The following PCTP variants were observed in gnomAD, a reference collection of about 807,000 sequenced individuals.
PCTP encodes START domain-containing protein 2.
In PCTP, 27 loss-of-function variants were observed where a neutral mutation model predicts 31.0. That is an observed-to-expected ratio of 0.87 (90% confidence interval 0.64 to 1.20). The LOEUF is 1.20. Ranked by LOEUF, PCTP falls within the 50% of genes most tolerant of loss-of-function variation. The pLI is 0.00. For missense variants in PCTP, 287 were observed against 268.2 expected (o/e 1.07, Z -0.49); for synonymous variants, 108 against 101.2 (o/e 1.07, Z -0.40).
chr17:55,794,764 C>T (rs563606747), intron 3 of PCTP, among the ~76,000 whole-genome samples: 2 of 152,124 alleles, frequency 1.3e-5, no homozygotes, highest in Admixed American at 1.3e-4. Context: ...TGAGCTCTAA[C>T]GACAAATTCC....
intron 2 of PCTP, chr17:55,770,881 G>T: frequency 2.4e-6 from 1 of 412,326 alleles, no homozygotes; most frequent in Non-Finnish European, 4.3e-6. Flanking sequence ...CACCATACCT[G>T]GCTGATTTTT....
chr17:55,752,357 T>G (rs1417262923), intron 1 of PCTP, among the ~76,000 whole-genome samples: 2 of 152,222 alleles, frequency 1.3e-5, no homozygotes, highest in Non-Finnish European at 2.9e-5. Context: ...TGCAGGGTTG[T>G]TAGGGGGTTC....
At chr17:55,788,886 T>C (rs1030450205) in intron 3 of PCTP, among the ~76,000 whole-genome samples, 1 of 152,194 alleles carries the variant, frequency 6.6e-6, no homozygotes, top group African/African-American at 2.4e-5. Context: ...TTGCTTTTTA[T>C]GAACTTCAGG....
intron 1 of PCTP, among the ~76,000 whole-genome samples, chr17:55,758,527 A>G (rs149958917): frequency 3.9e-5 from 6 of 152,222 alleles, no homozygotes; most frequent in East Asian, 3.9e-4. Context: ...GAGCCCCATT[A>G]CTTCAGGATT....
At chr17:55,771,896 C>T (rs1483041718) in intron 3 of PCTP, among the ~76,000 whole-genome samples, 1 of 152,140 alleles carries the variant, frequency 6.6e-6, no homozygotes, top group Non-Finnish European at 1.5e-5. Context: ...TCACCATGCT[C>T]TTCAATCCCA....
chr17:55,780,288 C>A (rs1262328710), downstream of PCTP, among the ~76,000 whole-genome samples: 1 of 152,056 alleles, frequency 6.6e-6, no homozygotes, highest in Non-Finnish European at 1.5e-5. Flanking sequence ...AATAATGGAA[C>A]AACAATTAAA....
At chr17:55,840,753 CAA>C (rs1398804241) in intron 5 of PCTP, among the ~76,000 whole-genome samples, 2 of 152,102 alleles carry the variant, frequency 1.3e-5, no homozygotes, top group Non-Finnish European at 2.9e-5. Flanking sequence ...GAAAAAGAAA[CAA>C]GAGTACAAGG....
At chr17:55,758,084 T>TTA (rs1413978628) in intron 1 of PCTP, among the ~76,000 whole-genome samples, 1 of 152,186 alleles carries the variant, frequency 6.6e-6, no homozygotes, top group Non-Finnish European at 1.5e-5. Flanking sequence ...TACCATGCCA[T>TTA]TAACCACTGC....
intron 5 of PCTP, among the ~76,000 whole-genome samples, chr17:55,829,204 CAATATGTGA>C (rs997768321): frequency 2.1e-5 from 3 of 141,326 alleles, no homozygotes; most frequent in Non-Finnish European, 3.1e-5. Context: ...CTTCAAAGGC[CAATATGTGA>C]AAAAAAAAAA....
chr17:55,778,672 A>G (rs940699085), downstream of PCTP, among the ~76,000 whole-genome samples: 1 of 152,104 alleles, frequency 6.6e-6, no homozygotes, highest in Non-Finnish European at 1.5e-5. Context: ...TGAAGTACCA[A>G]GGTCCTCTCT....
intron 3 of PCTP, among the ~76,000 whole-genome samples, chr17:55,815,780 G>A (rs1364336079): frequency 6.6e-6 from 1 of 152,146 alleles, no homozygotes; most frequent in Admixed American, 6.5e-5. Context: ...CAAGTCTGAT[G>A]TTCCTACTCC....
At chr17:55,828,690 A>C in intron 5 of PCTP, among the ~76,000 whole-genome samples, 1 of 152,138 alleles carries the variant, frequency 6.6e-6, no homozygotes, top group African/African-American at 2.4e-5. Flanking sequence ...AACCCAAAAC[A>C]GTGCCCAAAA....
intron 3 of PCTP, among the ~76,000 whole-genome samples, chr17:55,814,475 GGCTGTGCCAGCA>G (rs1201641735): frequency 3.9e-5 from 6 of 152,234 alleles, no homozygotes; most frequent in Non-Finnish European, 7.3e-5. Context: ...AGGCACCTCT[GGCTGTGCCAGCA>G]GCTGTGCCAA....
At chr17:55,845,413 C>A (rs1228262033), downstream of PCTP, among the ~76,000 whole-genome samples, 2 of 152,178 alleles carry the variant, frequency 1.3e-5, no homozygotes, top group Non-Finnish European at 2.9e-5. Flanking sequence ...TCTCTCCATC[C>A]CCGTTCCCCG....
chr17:55,819,010 C>CA (rs56823756), intron 3 of PCTP, among the ~76,000 whole-genome samples: 2,980 of 51,028 alleles, frequency 0.058, 112 homozygotes, highest in East Asian at 0.24. Context: ...GGAAAGAAAT[C>CA]AAAAAAAAAA....
intron 5 of PCTP, among the ~76,000 whole-genome samples, chr17:55,839,181 G>T (rs1302079624): frequency 6.6e-6 from 1 of 151,942 alleles, no homozygotes; most frequent in Admixed American, 6.6e-5. Context: ...TTTCATTGCT[G>T]CTGCTTCTTA....
chr17:55,845,771 T>G (rs1259821662), downstream of PCTP, among the ~76,000 whole-genome samples: 1 of 151,498 alleles, frequency 6.6e-6, no homozygotes, highest in Non-Finnish European at 1.5e-5. Context: ...GTGAGGCCCC[T>G]GGCTCCGCAC....
intron 1 of PCTP, 47 bp downstream of exon 1, chr17:55,751,291 G>A (rs1297851339): frequency 6.6e-7 from 1 of 1,519,502 alleles, no homozygotes; most frequent in Admixed American, 2.2e-5. Context: ...AATGCGCCGG[G>A]GTCGACCTCC....
rs1222776208 is a variant in PCTP at position 55,822,621 on chromosome 17, T to C, written c.318-140T>C. Reference sequence around the variant, plus strand: ...AGAATATACTCTTTCATTCTATTCCTCGTGATCCAGAGGCTAGAAGTAGAA... The same window carrying C: ...AGAATATACTCTTTCATTCTATTCCCCGTGATCCAGAGGCTAGAAGTAGAA... On this transcript the variant is annotated intron_variant, in intron 3 of 3. Transcript: ENST00000572536. 1.0e-5 allele frequency: 4 copies of C among 401,072 alleles called. No individual in the cohort carries two copies. In the South Asian group the frequency reaches 4.2e-4, roughly 42 times the overall value. 24.8% of individuals were successfully genotyped at this position (401,072 alleles called of 1,614,324 possible).
Sources: allele counts gnomAD v4.1 joint callset (sites outside exome capture counted in the v4.1 genomes callset), GRCh38; gene constraint gnomAD v4.1.1; transcripts MANE v1.5; gene names NCBI Gene and HGNC (gene_info 2026-07-23, HGNC 2026-07-21).